The following UBE2L3 variants were observed in gnomAD, a reference collection of about 807,000 sequenced individuals.
UBE2L3 encodes the protein ubiquitin-conjugating enzyme E2 L3.
Under a neutral mutation model 17.8 loss-of-function variants are expected in UBE2L3, and 1 was observed. The ratio of observed to expected loss-of-function variants is 0.06; its 90% CI spans 0.02 to 0.27. The LOEUF (loss-of-function observed/expected upper bound fraction) is 0.27, where lower values mean the gene tolerates loss of function less well. Among genes scored for constraint, UBE2L3 ranks in the 10% least tolerant of loss-of-function variants. UBE2L3 has a pLI of 1.00. For missense variants in UBE2L3, 40 were observed against 192.6 expected, an observed-to-expected ratio of 0.21 and a Z score of 4.69; for synonymous variants, 44 against 68.5, an observed-to-expected ratio of 0.64 and a Z score of 1.76.
At chr22:21,581,482 G>A (rs575960726) in intron 1 of UBE2L3, among the ~76,000 whole-genome samples, 46 of 152,224 alleles carry the variant, frequency 3.0e-4, no homozygotes, top group Admixed American at 7.2e-4. Flanking sequence ...GAGCCACTGT[G>A]CTGGCCGGTG....
At chr22:21,609,137 T>G (rs1443731268) in intron 2 of UBE2L3, among the ~76,000 whole-genome samples, 2 of 152,068 alleles carry the variant, frequency 1.3e-5, no homozygotes, top group Non-Finnish European at 2.9e-5. Flanking sequence ...GACCTCGTGA[T>G]CCACCTGCCT....
intron 3 of UBE2L3, 55 bp downstream of exon 3, chr22:21,611,098 G>C: frequency 6.7e-7 from 1 of 1,501,466 alleles, no homozygotes; most frequent in South Asian, 1.4e-5. Flanking sequence ...TGCTGCTCTG[G>C]GGTGGGGGCT....
upstream of UBE2L3, among the ~76,000 whole-genome samples, chr22:21,565,997 G>T (rs1336700639): frequency 7.2e-6 from 1 of 138,466 alleles, no homozygotes; most frequent in African/African-American, 2.6e-5. Context: ...TTTTAAGATG[G>T]AGTCTCACTC....
chr22:21,618,036 C>G (rs1929861236), intron 3 of UBE2L3, among the ~76,000 whole-genome samples: 1 of 151,554 alleles, frequency 6.6e-6, no homozygotes, highest in Non-Finnish European at 1.5e-5. Context: ...AAAGAATTAG[C>G]AAGGCGTGGT....
At chr22:21,590,418 G>A (rs1176404020) in intron 1 of UBE2L3, among the ~76,000 whole-genome samples, 4 of 152,096 alleles carry the variant, frequency 2.6e-5, no homozygotes, top group Admixed American at 1.3e-4. Context: ...GGCTTGTCTC[G>A]AACTCCTGAC....
intron 2 of UBE2L3, among the ~76,000 whole-genome samples, chr22:21,598,503 T>C (rs372716531): frequency 7.2e-5 from 11 of 151,832 alleles, no homozygotes; most frequent in South Asian, 2.1e-4. Context: ...AGTTCTGTTA[T>C]TGATTTCTAG....
At chr22:21,563,740 C>A (rs933931654), upstream of UBE2L3, among the ~76,000 whole-genome samples, 2 of 150,330 alleles carry the variant, frequency 1.3e-5, no homozygotes, top group Admixed American at 6.6e-5. Context: ...CCACACCCAG[C>A]TAATTTTTGT....
At chr22:21,563,261 T>A (rs131657), upstream of UBE2L3, among the ~76,000 whole-genome samples, 25,341 of 114,364 alleles carry the variant, frequency 0.22, 3,267 homozygotes, top group East Asian at 0.53. Context: ...AAAAAAAAAA[T>A]TTATTACTGG....
At chr22:21,605,204 G>A (rs935729851) in intron 2 of UBE2L3, among the ~76,000 whole-genome samples, 3 of 152,102 alleles carry the variant, frequency 2.0e-5, no homozygotes, top group African/African-American at 7.2e-5. Flanking sequence ...GTTTTGTTTT[G>A]TTTTTTTGAG....
upstream of UBE2L3, chr22:21,567,414 C>T (rs559765589): frequency 4.6e-4 from 137 of 300,830 alleles, no homozygotes; most frequent in Middle Eastern, 1.0e-3. Context: ...CCACCCGCCT[C>T]GGTCTCCCAA....
intron 1 of UBE2L3, among the ~76,000 whole-genome samples, chr22:21,583,596 G>A (rs1462486511): frequency 6.6e-6 from 1 of 152,190 alleles, no homozygotes; most frequent in African/African-American, 2.4e-5. Context: ...CTTCAGAGGA[G>A]ACTCAAGAGG....
chr22:21,574,043 C>T (rs1280015397), intron 1 of UBE2L3, among the ~76,000 whole-genome samples: 1 of 152,190 alleles, frequency 6.6e-6, no homozygotes. Flanking sequence ...TACATATCTC[C>T]TGGATGCTAC....
At position 21,621,909 on chromosome 22, in the gene UBE2L3, A is replaced by G. The variant is rs1444894049; in HGVS notation, c.*240A>G. 6 of 443,888 alleles carry G rather than the reference A, an allele frequency of 1.4e-5. No individual in the cohort carries two copies. The highest frequency in any genetic ancestry group is 8.3e-5 in the African/African-American group (4 of 48,268). 27.5% of individuals were successfully genotyped at this position (443,888 alleles called of 1,614,324 possible). On this transcript the variant is annotated 3_prime_UTR_variant, in exon 4 of 4. Transcript: ENST00000342192. The stretch of plus-strand genomic sequence containing the variant: ...CTTTGTTTTAAAAATCACTGCTTCA[A>G]TCTACTTCAAAAGAATGGTGTTTCT...
chr22:21,584,368 G>T (rs1273598934), intron 1 of UBE2L3, among the ~76,000 whole-genome samples: 1 of 149,884 alleles, frequency 6.7e-6, no homozygotes, highest in Non-Finnish European at 1.5e-5. Context: ...GTAGAGATGG[G>T]GTTTCACCAT....
At chr22:21,555,929 C>A (rs1411266988) in intron 1 of UBE2L3, among the ~76,000 whole-genome samples, 36 of 152,218 alleles carry the variant, frequency 2.4e-4, no homozygotes, top group African/African-American at 8.7e-4. Context: ...GAGACTCCAT[C>A]TCAAAGAGAA....
intron 3 of UBE2L3, among the ~76,000 whole-genome samples, chr22:21,619,268 C>T (rs1929934507): frequency 1.3e-5 from 2 of 152,118 alleles, no homozygotes; most frequent in African/African-American, 4.8e-5. Flanking sequence ...AAAAATATAC[C>T]TCCAGGGCCT....
At chr22:21,559,470 A>G (rs547203677) in intron 1 of UBE2L3, among the ~76,000 whole-genome samples, 2 of 152,318 alleles carry the variant, frequency 1.3e-5, no homozygotes, top group East Asian at 1.9e-4. Flanking sequence ...TTAAATACAA[A>G]TAACAATGGA....
intron 2 of UBE2L3, among the ~76,000 whole-genome samples, chr22:21,597,946 C>T (rs1188929222): frequency 6.8e-5 from 10 of 148,096 alleles, no homozygotes; most frequent in Non-Finnish European, 1.2e-4. Flanking sequence ...TGAGCCACCA[C>T]GCCCAGCTAA....
chr22:21,552,066 T>C (rs1926089400), intron 1 of UBE2L3, among the ~76,000 whole-genome samples: 1 of 144,096 alleles, frequency 6.9e-6, no homozygotes, highest in Non-Finnish European at 1.5e-5. Context: ...TGGCCACCTG[T>C]GTGGCTTGGG....
Sources: allele counts gnomAD v4.1 joint callset (sites outside exome capture counted in the v4.1 genomes callset), GRCh38; gene constraint gnomAD v4.1.1; transcripts MANE v1.5; gene names NCBI Gene and HGNC (gene_info 2026-07-23, HGNC 2026-07-21).